The following NCKAP5 variants were observed in gnomAD, a reference collection of about 807,000 sequenced individuals.
NCKAP5 encodes the protein NCK associated protein 5.
A neutral mutation model predicts 167.0 loss-of-function variants in NCKAP5; 92 were observed. The observed-to-expected ratio is 0.55, with a 90% CI of 0.47 to 0.66. NCKAP5 has a LOEUF of 0.66. Among genes scored for constraint, NCKAP5 ranks in the 30% least tolerant of loss-of-function variants. The probability of loss-of-function intolerance (pLI) is 0.00; values close to 1 mark genes in which losing one functional copy is unlikely to be tolerated. For missense variants in NCKAP5, 2,378 were observed against 2,315.0 expected, an observed-to-expected ratio of 1.03 and a Z score of -0.56; for synonymous variants, 891 against 877.4, an observed-to-expected ratio of 1.02 and a Z score of -0.27.
intron 4 of NCKAP5, among the ~76,000 whole-genome samples, chr2:133,290,257 A>C (rs1000411898): frequency 5.9e-5 from 9 of 152,172 alleles, no homozygotes; most frequent in Admixed American, 2.0e-4. Context: ...GGAAAAAAAA[A>C]CACACAATAT....
Position 132,885,768 on chromosome 2 carries a change from C to T in NCKAP5, c.580-6852G>A, listed in dbSNP as rs550468004. Among the ~76,000 whole-genome samples the T allele has an allele frequency of 3.2e-4, 48 of 152,292 alleles. No homozygotes were observed. In the South Asian group the frequency reaches 7.0e-3, roughly 22 times the overall value. On this transcript the variant is annotated intron_variant, in intron 8 of 19. Transcript: ENST00000409261. ...AATCTGATGCTTCTAAAGCCACTGTCCTACATTAATTCTGTAAGTATGTAT... is the reference window on the plus strand; with the variant it reads ...AATCTGATGCTTCTAAAGCCACTGTTCTACATTAATTCTGTAAGTATGTAT...
rs56053040 is a variant in NCKAP5 at position 133,441,094 on chromosome 2, TCACA to T, written c.69+76360_69+76363del. On this transcript the variant is annotated intron_variant, in intron 3 of 19. Transcript: ENST00000409261. ...TCTCACACCCTACAGACACACACAC[TCACA>T]CACACACACACACACACACACACAG... Among the ~76,000 whole-genome samples the T allele has an allele frequency of 5.1e-3, 763 of 148,960 alleles. 2 individuals carry two copies. The highest frequency in any genetic ancestry group is 0.012 in the African/African-American group (504 of 40,916).
At chr2:132,684,767 G>A (rs1558917685) in intron 19 of NCKAP5, among the ~76,000 whole-genome samples, 1 of 152,140 alleles carries the variant, frequency 6.6e-6, no homozygotes, top group Non-Finnish European at 1.5e-5. Context: ...TGTAGGGTTG[G>A]GCTGAGTCTA....
At chr2:133,157,172 T>G (rs900684834) in intron 5 of NCKAP5, among the ~76,000 whole-genome samples, 6 of 152,364 alleles carry the variant, frequency 3.9e-5, no homozygotes, top group Middle Eastern at 3.4e-3. Flanking sequence ...CCAATTTTAT[T>G]GCTTTTGAAT....
intron 3 of NCKAP5, among the ~76,000 whole-genome samples, chr2:133,385,257 G>C (rs1201583503): frequency 6.6e-6 from 1 of 152,154 alleles, no homozygotes; most frequent in Non-Finnish European, 1.5e-5. Flanking sequence ...TTAGCATGAA[G>C]GGTTGTTGAA....
chr2:133,161,182 C>T (rs2083781074), intron 5 of NCKAP5, among the ~76,000 whole-genome samples: 1 of 152,144 alleles, frequency 6.6e-6, no homozygotes, highest in African/African-American at 2.4e-5. Flanking sequence ...ACAGTTTCAT[C>T]CTGAAACCAT....
At chr2:133,586,177 T>C in the NCKAP5 span, among the ~76,000 whole-genome samples, 1 of 152,176 alleles carries the variant, frequency 6.6e-6, no homozygotes, top group African/African-American at 2.4e-5. Context: ...TCTCATTCAA[T>C]ACTTAAGTAT....
At chr2:133,596,913 G>A in the NCKAP5 span, among the ~76,000 whole-genome samples, 1 of 152,192 alleles carries the variant, frequency 6.6e-6, no homozygotes, top group Non-Finnish European at 1.5e-5. Context: ...TTCTCTGCAG[G>A]AGGTTTAACC....
intron 3 of NCKAP5, among the ~76,000 whole-genome samples, chr2:133,443,660 G>A (rs1690997725): frequency 6.6e-6 from 1 of 152,114 alleles, no homozygotes; most frequent in Non-Finnish European, 1.5e-5. Context: ...CTTGAAGCAT[G>A]CAGACTTCCA....
intron 8 of NCKAP5, among the ~76,000 whole-genome samples, chr2:132,939,197 A>T (rs1697090040): frequency 6.6e-6 from 1 of 152,198 alleles, no homozygotes; most frequent in Non-Finnish European, 1.5e-5. Flanking sequence ...CCCACAGCTT[A>T]ATTTATTAAA....
At chr2:132,864,567 C>T (rs1160375751) in intron 10 of NCKAP5, among the ~76,000 whole-genome samples, 1 of 152,150 alleles carries the variant, frequency 6.6e-6, no homozygotes, top group African/African-American at 2.4e-5. Context: ...TAAATTCCCC[C>T]TGTGCTTGGG....
the NCKAP5 span, among the ~76,000 whole-genome samples, chr2:133,580,379 GTA>G: frequency 2.6e-5 from 4 of 152,184 alleles, no homozygotes; most frequent in African/African-American, 9.7e-5. Context: ...TGAGCTCTGT[GTA>G]TTATTCAGAT....
At chr2:133,299,218 C>T (rs1379194114) in intron 4 of NCKAP5, among the ~76,000 whole-genome samples, 3 of 151,896 alleles carry the variant, frequency 2.0e-5, no homozygotes, top group South Asian at 2.1e-4. Context: ...AAGAATATAA[C>T]AAATTAAAAC....
At chr2:133,128,758 C>T (rs908079404) in intron 6 of NCKAP5, among the ~76,000 whole-genome samples, 4 of 151,928 alleles carry the variant, frequency 2.6e-5, no homozygotes, top group African/African-American at 7.3e-5. Context: ...CCATCATGCC[C>T]GGCTAATTTT....
chr2:132,676,695 G>A (rs189022292), intron 19 of NCKAP5, among the ~76,000 whole-genome samples: 73 of 152,224 alleles, frequency 4.8e-4, no homozygotes, highest in African/African-American at 1.5e-3. Context: ...GCAACTATAC[G>A]TGAAAGTGCT....
At chr2:133,540,747 C>T (rs1433149927) in intron 2 of NCKAP5, among the ~76,000 whole-genome samples, 2 of 151,908 alleles carry the variant, frequency 1.3e-5, no homozygotes, top group Non-Finnish European at 2.9e-5. Flanking sequence ...TCCAGCCTAG[C>T]CAACATGGTG....
chr2:132,945,348 G>A (rs1433701328), intron 8 of NCKAP5, among the ~76,000 whole-genome samples: 1 of 152,130 alleles, frequency 6.6e-6, no homozygotes, highest in Non-Finnish European at 1.5e-5. Flanking sequence ...CAACTCCTTT[G>A]CTTGGAAGGA....
chr2:133,488,933 TA>T (rs1300175952), intron 3 of NCKAP5, among the ~76,000 whole-genome samples: 1 of 151,756 alleles, frequency 6.6e-6, no homozygotes, highest in Admixed American at 6.6e-5. Flanking sequence ...AAAATAAATT[TA>T]AAATAATTGC....
chr2:133,543,247 CG>C (rs1558769334), intron 2 of NCKAP5, among the ~76,000 whole-genome samples: 1 of 151,948 alleles, frequency 6.6e-6, no homozygotes, highest in Admixed American at 6.6e-5. Flanking sequence ...TGTGATATAC[CG>C]GCTCCCCCTT....
Sources: gnomAD v4.1 joint callset for allele counts (sites outside exome capture counted in the v4.1 genomes callset) on GRCh38, gnomAD v4.1.1 for gene constraint, MANE v1.5 for transcripts, NCBI Gene and HGNC (gene_info 2026-07-23, HGNC 2026-07-21) for gene names.